The following MECOM variants were observed in gnomAD, a reference collection of about 807,000 sequenced individuals.
The protein encoded by MECOM is histone-lysine N-methyltransferase MECOM.
A neutral mutation model predicts 116.3 loss-of-function variants in MECOM; 13 were observed. The ratio of observed to expected loss-of-function variants is 0.11; its 90% CI spans 0.07 to 0.18. MECOM has a LOEUF of 0.18. Ranked by LOEUF, MECOM falls within the 10% of genes least tolerant of loss-of-function variation. MECOM has a pLI of 1.00. For missense variants in MECOM, 1,299 were observed against 1,509.0 expected (o/e 0.86, Z 2.31); for synonymous variants, 528 against 535.2 (o/e 0.99, Z 0.19).
intron 2 of MECOM, among the ~76,000 whole-genome samples, chr3:169,183,833 TAC>T (rs140412692): frequency 0.098 from 8,574 of 87,102 alleles, 628 homozygotes; most frequent in East Asian, 0.28. Flanking sequence ...TATATATATA[TAC>T]ACACATACAT....
chr3:169,439,800 C>A (rs1388954023), intron 1 of MECOM, among the ~76,000 whole-genome samples: 1 of 152,080 alleles, frequency 6.6e-6, no homozygotes, highest in Non-Finnish European at 1.5e-5. Context: ...ACCCAAAAGA[C>A]ACATCCACAA....
chr3:169,400,958 T>A (rs1478350882), intron 1 of MECOM, among the ~76,000 whole-genome samples: 2 of 152,128 alleles, frequency 1.3e-5, no homozygotes, highest in African/African-American at 4.8e-5. Flanking sequence ...GCTCCAGATC[T>A]CAAATATCCC....
chr3:169,621,094 A>T (rs1432343012), intron 1 of MECOM, among the ~76,000 whole-genome samples: 1 of 152,206 alleles, frequency 6.6e-6, no homozygotes, highest in African/African-American at 2.4e-5. Flanking sequence ...TAAGATGTCT[A>T]CTCTAGCTAA....
chr3:169,617,199 A>G (rs1337461761), intron 1 of MECOM, among the ~76,000 whole-genome samples: 1 of 152,224 alleles, frequency 6.6e-6, no homozygotes, highest in Non-Finnish European at 1.5e-5. Flanking sequence ...AAGAAAATTA[A>G]AAGACCCCTA....
intron 1 of MECOM, among the ~76,000 whole-genome samples, chr3:169,502,194 A>G (rs1350880550): frequency 1.3e-5 from 2 of 152,152 alleles, no homozygotes; most frequent in Non-Finnish European, 2.9e-5. Context: ...ACTGGATTCA[A>G]AAACCCATCT....
intron 1 of MECOM, among the ~76,000 whole-genome samples, chr3:169,493,196 T>A (rs1263542557): frequency 3.3e-5 from 5 of 152,174 alleles, no homozygotes; most frequent in Non-Finnish European, 7.3e-5. Context: ...ATTTGCTGGG[T>A]ACCAAGCACT....
At chr3:169,609,603 G>C (rs1247157345) in intron 1 of MECOM, among the ~76,000 whole-genome samples, 2 of 151,916 alleles carry the variant, frequency 1.3e-5, no homozygotes, top group East Asian at 3.9e-4. Context: ...AAAAGGTCTT[G>C]GTGTATTTAA....
chr3:169,500,060 A>G (rs1754347273), intron 1 of MECOM, among the ~76,000 whole-genome samples: 1 of 152,104 alleles, frequency 6.6e-6, no homozygotes, highest in South Asian at 2.1e-4. Flanking sequence ...AATCAGTTAC[A>G]TTTTATAGTT....
chr3:169,581,246 T>G (rs1341387413), intron 1 of MECOM, among the ~76,000 whole-genome samples: 1 of 152,198 alleles, frequency 6.6e-6, no homozygotes, highest in Non-Finnish European at 1.5e-5. Flanking sequence ...GGTTTTCTTC[T>G]TATCTCTGAT....
intron 1 of MECOM, among the ~76,000 whole-genome samples, chr3:169,485,490 G>A (rs1376383342): frequency 6.6e-6 from 1 of 152,018 alleles, no homozygotes; most frequent in Non-Finnish European, 1.5e-5. Context: ...AAAAGAGAGG[G>A]TTACAATAAA....
chr3:169,097,150 T>C (rs573358924), intron 12 of MECOM, among the ~76,000 whole-genome samples: 62 of 152,194 alleles, frequency 4.1e-4, no homozygotes, highest in Non-Finnish European at 8.2e-4. Flanking sequence ...AAAAAATTTT[T>C]CACCCAAAAC....
intron 1 of MECOM, 106 bp downstream of exon 1, chr3:169,663,230 C>T: frequency 7.4e-7 from 1 of 1,344,664 alleles, no homozygotes; most frequent in Non-Finnish European, 1.0e-6. Context: ...CCACCCGGGG[C>T]CCCGGCGCAA....
At chr3:169,218,791 A>G (rs1751739392) in intron 2 of MECOM, among the ~76,000 whole-genome samples, 1 of 152,232 alleles carries the variant, frequency 6.6e-6, no homozygotes, top group African/African-American at 2.4e-5. Flanking sequence ...GGAATTAAAA[A>G]GTTCTCTCTT....
intron 1 of MECOM, among the ~76,000 whole-genome samples, chr3:169,644,662 A>G (rs975658881): frequency 6.6e-6 from 1 of 152,212 alleles, no homozygotes; most frequent in Admixed American, 6.5e-5. Flanking sequence ...CAATTGAACC[A>G]TCATATTCCT....
chr3:169,610,187 C>T lies in MECOM; in HGVS notation c.37+53149G>A, dbSNP rs370208845. ...TTTTTACATTTCTAACACCCTAGTTCCAAGCCCTGAATTTGGCAAGTTCTC... is the reference window on the plus strand; with the variant it reads ...TTTTTACATTTCTAACACCCTAGTTTCAAGCCCTGAATTTGGCAAGTTCTC... On this transcript the variant is annotated intron_variant, in intron 1 of 16. Coordinates refer to ENST00000651503, the MANE Select transcript of MECOM (RefSeq NM_004991.4). Among the ~76,000 whole-genome samples the T allele has an allele frequency of 2.0e-4, 30 of 152,156 alleles. 1 individual carries two copies. Among genetic ancestry groups the T allele is most frequent in the African/African-American group, 7.2e-4 (30 of 41,518 alleles).
In MECOM at chr3:169,476,513, C is replaced by T. The variant is rs1373706029; in HGVS notation, c.38-94989G>A. On this transcript the variant is annotated intron_variant, in intron 1 of 16. Transcript: ENST00000651503. The stretch of plus-strand genomic sequence containing the variant: ...GCGGAGAGAGCTTGCTCACATTCAG[C>T]GGCAGGGGCACATCAATCATGGCCA... 2.6e-5 allele frequency among the ~76,000 whole-genome samples: 4 copies of T among 152,098 alleles called. No individual in the cohort carries two copies. The East Asian group carries it at 5.8e-4, about 22-fold the overall frequency.
At chr3:169,663,234 G>T in intron 1 of MECOM, 102 bp downstream of exon 1, 1 of 1,403,360 alleles carries the variant, frequency 7.1e-7, no homozygotes, top group Non-Finnish European at 9.8e-7. Context: ...CCGGGGCCCC[G>T]GCGCAAGAGG....
chr3:169,472,518 G>GAAAGAAAAGAAAAGAAAAGAAAAGA lies in MECOM; in HGVS notation c.38-90995_38-90994insTCTTTTCTTTTCTTTTCTTTTCTTT, dbSNP rs1183018878. Among the ~76,000 whole-genome samples the GAAAGAAAAGAAAAGAAAAGAAAAGA allele has an allele frequency of 7.4e-4, 52 of 70,118 alleles. 4 individuals are homozygous for GAAAGAAAAGAAAAGAAAAGAAAAGA. Among genetic ancestry groups the GAAAGAAAAGAAAAGAAAAGAAAAGA allele is most frequent in the Non-Finnish European group, 9.6e-4 (37 of 38,704 alleles). The allele number at this position is 70,118 out of a possible 152,430, so 46.0% of individuals were successfully genotyped here. On this transcript the variant is annotated intron_variant, in intron 1 of 16. Transcript: ENST00000651503. ...GAAAGGAAAGGAAAGGAAAGGAAAG[G>GAAAGAAAAGAAAAGAAAAGAAAAGA]AAAGAAAAGAAAAGAAAAGGAAAGG...
chr3:169,539,194 G>A (rs1185342994), intron 1 of MECOM, among the ~76,000 whole-genome samples: 1 of 152,086 alleles, frequency 6.6e-6, no homozygotes, highest in Non-Finnish European at 1.5e-5. Context: ...CTTCCATGGT[G>A]GATTTGTTGA....
Sources: gnomAD v4.1 joint callset for allele counts (sites outside exome capture counted in the v4.1 genomes callset) on GRCh38, gnomAD v4.1.1 for gene constraint, MANE v1.5 for transcripts, NCBI Gene and HGNC (gene_info 2026-07-23, HGNC 2026-07-21) for gene names.